ENOX2: variants seen among roughly 807,000 people sequenced by gnomAD.
The protein encoded by ENOX2 is ecto-NOX disulfide-thiol exchanger 2, also known as APK1 antigen.
In ENOX2, 36 loss-of-function variants were observed where a neutral mutation model predicts 45.0. That is an observed-to-expected ratio of 0.80 (90% CI 0.61 to 1.06). The LOEUF is 1.06. Ranked by LOEUF, ENOX2 falls within the 50% of genes least tolerant of loss-of-function variation. The pLI, the probability that ENOX2 is intolerant of heterozygous loss-of-function variation, is 0.00. For synonymous variants in ENOX2, 174 were observed against 152.3 expected, an observed-to-expected ratio of 1.14 and a Z score of -1.05; for missense variants, 423 against 462.5, an observed-to-expected ratio of 0.91 and a Z score of 0.78.
chrX:130,764,403 C>T (rs1278436039), intron 3 of ENOX2, among the ~76,000 whole-genome samples: 1 of 110,929 alleles, frequency 9.0e-6, no homozygotes, highest in Admixed American at 9.6e-5. Flanking sequence ...CATTGAACCC[C>T]CAACCACAAA....
At chrX:130,740,435 G>C (rs955545644) in intron 3 of ENOX2, among the ~76,000 whole-genome samples, 2 of 111,073 alleles carry the variant, frequency 1.8e-5, no homozygotes, top group Non-Finnish European at 3.8e-5. Context: ...GCCCTAAATA[G>C]TGTATAATGA....
intron 14 of ENOX2, among the ~76,000 whole-genome samples, chrX:130,626,627 C>T (rs2035552948): frequency 8.9e-6 from 1 of 111,946 alleles, no homozygotes; most frequent in African/African-American, 3.3e-5. Context: ...ATTCACATTC[C>T]ATCCTCCCCT....
At chrX:130,631,805 G>GTT (rs757104618) in intron 12 of ENOX2, among the ~76,000 whole-genome samples, 26 of 94,922 alleles carry the variant, frequency 2.7e-4, no homozygotes, top group South Asian at 4.8e-4. Context: ...ACCTTCACCA[G>GTT]TTTTTTTTTT....
At chrX:130,719,317 G>A (rs1399846866) in intron 3 of ENOX2, among the ~76,000 whole-genome samples, 3 of 110,988 alleles carry the variant, frequency 2.7e-5, no homozygotes, top group Admixed American at 1.9e-4. Context: ...CAACAGAGGG[G>A]GAAATATTGA....
chrX:130,784,014 G>C (rs2076930232), intron 2 of ENOX2, among the ~76,000 whole-genome samples: 1 of 111,680 alleles, frequency 9.0e-6, no homozygotes, highest in Non-Finnish European at 1.9e-5. Flanking sequence ...CTTGTAAAAA[G>C]TTTGGCTTTG....
chrX:130,887,790 C>A (rs906187170), intron 2 of ENOX2, among the ~76,000 whole-genome samples: 1 of 111,516 alleles, frequency 9.0e-6, no homozygotes, highest in Admixed American at 9.5e-5. Context: ...GATTTGCATG[C>A]CTTGGAAGAA....
At chrX:130,808,237 T>C (rs1569504165) in intron 2 of ENOX2, among the ~76,000 whole-genome samples, 1 of 111,830 alleles carries the variant, frequency 8.9e-6, no homozygotes, top group African/African-American at 3.3e-5. Context: ...AATAAATAGG[T>C]AAAATATATA....
chrX:130,648,068 A>G (rs377252560), intron 10 of ENOX2, among the ~76,000 whole-genome samples: 2 of 112,435 alleles, frequency 1.8e-5, no homozygotes, highest in African/African-American at 3.2e-5. Context: ...TATTAAATGT[A>G]TAAGAAAGTT....
chrX:130,810,477 G>A (rs2077372952), intron 2 of ENOX2, among the ~76,000 whole-genome samples: 1 of 111,656 alleles, frequency 9.0e-6, no homozygotes, highest in South Asian at 3.8e-4. Context: ...AACACTCCTG[G>A]ATATAGCCTC....
At chrX:130,650,480 C>G (rs780354748) in intron 10 of ENOX2, among the ~76,000 whole-genome samples, 12 of 112,149 alleles carry the variant, frequency 1.1e-4, no homozygotes, top group Non-Finnish European at 1.9e-4. Context: ...GACACCAAGT[C>G]TTTCCTTTCA....
chrX:130,887,738 T>C (rs1222907268), intron 2 of ENOX2, among the ~76,000 whole-genome samples: 1 of 111,621 alleles, frequency 9.0e-6, no homozygotes, highest in Non-Finnish European at 1.9e-5. Context: ...CATACATCAG[T>C]GCCTAAAGAA....
At chrX:130,719,396 C>T (rs983885798) in intron 3 of ENOX2, among the ~76,000 whole-genome samples, 2 of 106,797 alleles carry the variant, frequency 1.9e-5, no homozygotes, top group African/African-American at 6.9e-5. Flanking sequence ...AGAAAGAATG[C>T]TGGTAATGTT....
intron 2 of ENOX2, among the ~76,000 whole-genome samples, chrX:130,832,845 C>T (rs2077860812): frequency 1.8e-5 from 2 of 110,935 alleles, no homozygotes; most frequent in African/African-American, 6.6e-5. Flanking sequence ...CACACACCAC[C>T]CCCTTTTAGC....
chrX:130,629,769 T>C (rs2035643825), intron 13 of ENOX2, among the ~76,000 whole-genome samples: 1 of 112,160 alleles, frequency 8.9e-6, no homozygotes, highest in African/African-American at 3.2e-5. Flanking sequence ...ATAGCTCAGC[T>C]TCCTAGATGG....
In ENOX2 at chrX:130,740,888, C is replaced by T. The variant is rs1478952892; in HGVS notation, c.-38-37634G>A. On this transcript the variant is annotated intron_variant, in intron 3 of 14. Transcript: ENST00000394363. ...GGGTCTCAGGATTACCACTTACTTG[C>T]TGTATTATCTTGGGTTAATTAATTA... Among the ~76,000 whole-genome samples, 14 of 111,452 alleles carry T rather than the reference C, an allele frequency of 1.3e-4. No homozygotes were observed. In the Admixed American group the frequency reaches 1.3e-3, roughly 11 times the overall value.
intron 2 of ENOX2, among the ~76,000 whole-genome samples, chrX:130,877,691 C>T (rs2078731892): frequency 8.9e-6 from 1 of 111,919 alleles, no homozygotes; most frequent in Non-Finnish European, 1.9e-5. Flanking sequence ...CTCCATTTTA[C>T]ACTTTACTGG....
chrX:130,631,719 C>A, intron 12 of ENOX2, 143 bp from the exon 13 acceptor site: 1 of 366,064 alleles, frequency 2.7e-6, no homozygotes, highest in Non-Finnish European at 4.8e-6. Flanking sequence ...GAGAAAATAG[C>A]ATAAATTACA....
At chrX:130,818,877 T>A (rs1030092554) in intron 2 of ENOX2, among the ~76,000 whole-genome samples, 1 of 111,775 alleles carries the variant, frequency 8.9e-6, no homozygotes, top group East Asian at 2.8e-4. Flanking sequence ...ACAAATGAGA[T>A]CTGATTAAAC....
intron 10 of ENOX2, among the ~76,000 whole-genome samples, chrX:130,647,188 C>T (rs1458653715): frequency 1.8e-5 from 2 of 112,098 alleles, no homozygotes; most frequent in Admixed American, 1.9e-4. Context: ...GGCTGCTAAG[C>T]CAGGGTACAA....
Sources: allele counts gnomAD v4.1 joint callset (sites outside exome capture counted in the v4.1 genomes callset), GRCh38; gene constraint gnomAD v4.1.1; transcripts MANE v1.5; gene names NCBI Gene and HGNC (gene_info 2026-07-23, HGNC 2026-07-21).